POPDC1: variants seen among roughly 807,000 people sequenced by gnomAD.
POPDC1 encodes the protein popeye domain-containing protein 1.
chr6:105,118,222 C>A, the POPDC1 span, among the ~76,000 whole-genome samples: 1 of 152,152 alleles, frequency 6.6e-6, no homozygotes, highest in African/African-American at 2.4e-5. Flanking sequence ...TTTCAGAGGA[C>A]AAGGGGATAT....
At chr6:105,119,988 G>A in the POPDC1 span, among the ~76,000 whole-genome samples, 1 of 1,252 alleles carries the variant, frequency 8.0e-4, no homozygotes, top group Admixed American at 0.024. Flanking sequence ...GGCCGGGCGC[G>A]GTGGCTCACG....
At chr6:105,136,483 G>C in the POPDC1 span, 1 of 152,330 alleles carries the variant, frequency 6.6e-6, no homozygotes, top group African/African-American at 2.4e-5. Context: ...GACGGAGTGG[G>C]CGACACCGCG....
the POPDC1 span, among the ~76,000 whole-genome samples, chr6:105,134,528 C>A: frequency 6.6e-6 from 1 of 152,016 alleles, no homozygotes; most frequent in African/African-American, 2.4e-5. Context: ...CAAATGGGGA[C>A]CCTAAATACA....
the POPDC1 span, among the ~76,000 whole-genome samples, chr6:105,135,134 G>T: frequency 2.6e-5 from 4 of 152,110 alleles, no homozygotes; most frequent in Non-Finnish European, 4.4e-5. Flanking sequence ...CACTCCCATT[G>T]TCCTGTTTGT....
the POPDC1 span, among the ~76,000 whole-genome samples, chr6:105,130,597 T>C: frequency 1.3e-5 from 2 of 152,162 alleles, no homozygotes; most frequent in African/African-American, 4.8e-5. Context: ...CTGAGAAACA[T>C]TTCGTTAGAT....
the POPDC1 span, among the ~76,000 whole-genome samples, chr6:105,122,159 G>C: frequency 1.3e-5 from 2 of 152,150 alleles, no homozygotes; most frequent in African/African-American, 4.8e-5. Flanking sequence ...AACAATCAAA[G>C]TACAGTCTCT....
At chr6:105,135,560 T>C in the POPDC1 span, among the ~76,000 whole-genome samples, 2 of 152,184 alleles carry the variant, frequency 1.3e-5, no homozygotes, top group African/African-American at 4.8e-5. Flanking sequence ...TATCAGGCTT[T>C]TACAAGTTCT....
chr6:105,100,552 G>GTATA, the POPDC1 span: 5 of 11,128 alleles, frequency 4.5e-4, no homozygotes, highest in South Asian at 0.031. Context: ...GTATATATAT[G>GTATA]TATATATATA....
chr6:105,099,845 C>A, the POPDC1 span: 1 of 152,384 alleles, frequency 6.6e-6, no homozygotes, highest in African/African-American at 2.4e-5. Flanking sequence ...TGAAGCAGAT[C>A]TTTCAGTGGC....
At chr6:105,110,665 A>G in the POPDC1 span, among the ~76,000 whole-genome samples, 2 of 148,598 alleles carry the variant, frequency 1.3e-5, no homozygotes, top group African/African-American at 4.9e-5. Flanking sequence ...GTCATATGAC[A>G]TTAGTAGGCT....
chr6:105,135,613 G>A, the POPDC1 span, among the ~76,000 whole-genome samples: 1 of 152,042 alleles, frequency 6.6e-6, no homozygotes, highest in Non-Finnish European at 1.5e-5. Flanking sequence ...CAAGAAAAAT[G>A]ACAGGAAAAC....
At chr6:105,124,977 G>A in the POPDC1 span, among the ~76,000 whole-genome samples, 5 of 152,108 alleles carry the variant, frequency 3.3e-5, no homozygotes, top group Non-Finnish European at 7.3e-5. Context: ...TAATAACAAT[G>A]CCAGCACAAC....
At chr6:105,125,645 G>T in the POPDC1 span, 1 of 1,464,184 alleles carries the variant, frequency 6.8e-7, no homozygotes. Context: ...GACTTCTGTG[G>T]TCTAAATATG....
the POPDC1 span, among the ~76,000 whole-genome samples, chr6:105,126,821 T>G: frequency 6.6e-6 from 1 of 152,282 alleles, no homozygotes. Flanking sequence ...ATTTATATAC[T>G]CTCAAGTAAA....
chr6:105,109,816 T>C, the POPDC1 span, among the ~76,000 whole-genome samples: 9 of 105,888 alleles, frequency 8.5e-5, no homozygotes, highest in Non-Finnish European at 1.2e-4. Flanking sequence ...TAACGGCACA[T>C]CATTTGGCAC....
At chr6:105,130,368 G>A in the POPDC1 span, among the ~76,000 whole-genome samples, 1 of 151,740 alleles carries the variant, frequency 6.6e-6, no homozygotes, top group African/African-American at 2.4e-5. Flanking sequence ...TTTGACAAGT[G>A]GAAAAAAAAT....
At chr6:105,117,775 C>T in the POPDC1 span, among the ~76,000 whole-genome samples, 4 of 152,332 alleles carry the variant, frequency 2.6e-5, no homozygotes, top group East Asian at 5.8e-4. Flanking sequence ...TGTATCTTCA[C>T]GTCTGTCTGA....
At chr6:105,128,309 T>A in the POPDC1 span, among the ~76,000 whole-genome samples, 1 of 152,238 alleles carries the variant, frequency 6.6e-6, no homozygotes. Context: ...ACAATATATG[T>A]CCCTTTTGAG....
the POPDC1 span, among the ~76,000 whole-genome samples, chr6:105,120,233 T>TG: frequency 1 from 5,516 of 5,518 alleles, 2,757 homozygotes; most frequent in Middle Eastern, 1. Context: ...CACTCCAGCC[T>TG]GGCGACAGAG....
Sources: gnomAD v4.1 joint callset for allele counts (sites outside exome capture counted in the v4.1 genomes callset) on GRCh38, gnomAD v4.1.1 for gene constraint, MANE v1.5 for transcripts, NCBI Gene and HGNC (gene_info 2026-07-23, HGNC 2026-07-21) for gene names.